Variants in SAMD4A observed in about 807,000 individuals in gnomAD.
The protein encoded by SAMD4A is sterile alpha motif domain containing 4A.
SAMD4A carries 33 observed loss-of-function variants against 81.3 expected under a neutral mutation model. The ratio of observed to expected loss-of-function variants is 0.41; its 90% CI spans 0.31 to 0.54. SAMD4A has a LOEUF of 0.54. Ranked by LOEUF, SAMD4A falls within the 20% of genes least tolerant of loss-of-function variation. The probability of loss-of-function intolerance (pLI) is 0.37; values close to 1 mark genes in which losing one functional copy is unlikely to be tolerated. For missense variants in SAMD4A, 854 were observed against 951.1 expected (o/e 0.90, Z 1.34); for synonymous variants, 389 against 382.1 (o/e 1.02, Z -0.21).
At chr14:54,634,948 G>A (rs2034997517) in intron 2 of SAMD4A, among the ~76,000 whole-genome samples, 1 of 152,200 alleles carries the variant, frequency 6.6e-6, no homozygotes, top group African/African-American at 2.4e-5. Context: ...AAGAACTAAA[G>A]TTTGGGGATC....
chr14:54,768,261 A>T (rs756884903), intron 8 of SAMD4A, among the ~76,000 whole-genome samples: 12 of 152,246 alleles, frequency 7.9e-5, no homozygotes, highest in Non-Finnish European at 1.5e-4. Flanking sequence ...CGGTCTGTGC[A>T]GTCCAAAACA....
Position 54,789,060 on chromosome 14 carries a change from C to T in SAMD4A, c.*116C>T. On this transcript the variant is annotated 3_prime_UTR_variant, in exon 13 of 13. Coordinates refer to ENST00000554335, the MANE Select transcript of SAMD4A (RefSeq NM_015589.6). ...AGATACTTTGCAGCCTTTTTTCCCC[C>T]TGGTCCCTCTCCCGTTTTGATTTTG... 8.7e-7 allele frequency: 1 copy of T among 1,151,952 alleles called. No individual in the cohort carries two copies. The highest frequency in any genetic ancestry group is 1.8e-5 in the Admixed American group (1 of 56,856). 71.4% of individuals were successfully genotyped at this position (1,151,952 alleles called of 1,614,324 possible). A position where few individuals can be genotyped will look rare whatever the true frequency, so the allele number is the denominator to read the frequency against.
intron 2 of SAMD4A, among the ~76,000 whole-genome samples, chr14:54,605,286 A>G (rs1398851800): frequency 6.6e-6 from 1 of 152,092 alleles, no homozygotes; most frequent in Non-Finnish European, 1.5e-5. Flanking sequence ...AAAACCCAGC[A>G]GAGCATAATT....
chr14:54,715,584 G>C (rs2037098538), intron 3 of SAMD4A, among the ~76,000 whole-genome samples: 1 of 152,184 alleles, frequency 6.6e-6, no homozygotes, highest in Non-Finnish European at 1.5e-5. Context: ...AGGGAAGTCT[G>C]GTGGACAGGG....
chr14:54,683,488 G>A (rs2036178471), intron 2 of SAMD4A, among the ~76,000 whole-genome samples: 1 of 152,152 alleles, frequency 6.6e-6, no homozygotes, highest in Non-Finnish European at 1.5e-5. Context: ...ATACTTCATG[G>A]AGAATCACTC....
intron 2 of SAMD4A, among the ~76,000 whole-genome samples, chr14:54,589,366 G>A (rs1434152780): frequency 6.6e-6 from 1 of 152,180 alleles, no homozygotes; most frequent in Non-Finnish European, 1.5e-5. Context: ...ACTCCCATGA[G>A]TCTAAATTTT....
At chr14:54,612,788 A>T (rs977548327) in intron 2 of SAMD4A, among the ~76,000 whole-genome samples, 3 of 152,134 alleles carry the variant, frequency 2.0e-5, no homozygotes, top group African/African-American at 7.2e-5. Flanking sequence ...AGACTACCCG[A>T]GGCAGTCAGT....
chr14:54,685,413 G>A (rs1460790249), intron 2 of SAMD4A, among the ~76,000 whole-genome samples: 4 of 152,144 alleles, frequency 2.6e-5, no homozygotes, highest in Non-Finnish European at 4.4e-5. Context: ...GTCCATCTAT[G>A]TTATAGCATG....
intron 2 of SAMD4A, among the ~76,000 whole-genome samples, chr14:54,592,050 C>G (rs1189726334): frequency 1.3e-5 from 2 of 152,110 alleles, no homozygotes; most frequent in Non-Finnish European, 2.9e-5. Context: ...AAGCTCCCCC[C>G]TCTTCCCCCT....
chr14:54,665,074 G>A (rs1161634181), intron 2 of SAMD4A, among the ~76,000 whole-genome samples: 1 of 152,050 alleles, frequency 6.6e-6, no homozygotes, highest in Non-Finnish European at 1.5e-5. Context: ...ATTCTATAGT[G>A]GAGCACAAAC....
chr14:54,649,697 T>C (rs1378090570), intron 2 of SAMD4A, among the ~76,000 whole-genome samples: 1 of 152,172 alleles, frequency 6.6e-6, no homozygotes, highest in Admixed American at 6.5e-5. Flanking sequence ...CAGTGGGAAG[T>C]GTTGACTGAA....
chr14:54,692,058 C>T (rs2036456413), intron 2 of SAMD4A, among the ~76,000 whole-genome samples: 1 of 152,180 alleles, frequency 6.6e-6, no homozygotes, highest in Non-Finnish European at 1.5e-5. Context: ...CATGGTTACA[C>T]ACCACACCAC....
At chr14:54,785,495 T>C (rs1006145036) in intron 12 of SAMD4A, among the ~76,000 whole-genome samples, 11 of 152,162 alleles carry the variant, frequency 7.2e-5, no homozygotes, top group Admixed American at 7.2e-4. Flanking sequence ...CAGAGAGGCC[T>C]CCTGTGAGCC....
At chr14:54,714,750 T>C (rs1156604234) in intron 3 of SAMD4A, among the ~76,000 whole-genome samples, 3 of 152,164 alleles carry the variant, frequency 2.0e-5, no homozygotes, top group Non-Finnish European at 4.4e-5. Context: ...TTACTGCTGG[T>C]AATAGTAAGG....
intron 3 of SAMD4A, among the ~76,000 whole-genome samples, chr14:54,730,942 A>G (rs2037545152): frequency 6.6e-6 from 1 of 152,244 alleles, no homozygotes; most frequent in Non-Finnish European, 1.5e-5. Flanking sequence ...TCATTTCACC[A>G]CTGAGCCTTG....
chr14:54,741,748 G>A (rs781418503), intron 4 of SAMD4A, among the ~76,000 whole-genome samples: 5 of 152,190 alleles, frequency 3.3e-5, no homozygotes, highest in Non-Finnish European at 7.3e-5. Context: ...GAGGCCTAGA[G>A]CTGAGTCTCA....
intron 2 of SAMD4A, chr14:54,668,943 A>G (rs1260934843): frequency 6.6e-6 from 1 of 152,280 alleles, no homozygotes; most frequent in Non-Finnish European, 1.5e-5. Flanking sequence ...AGAAGGAATG[A>G]CAGACAGGGA....
chr14:54,681,900 G>C, intron 2 of SAMD4A: 5 of 985,440 alleles, frequency 5.1e-6, no homozygotes, highest in Non-Finnish European at 6.0e-6. Flanking sequence ...CTGGAGGATG[G>C]AAAGATTTAT....
intron 4 of SAMD4A, among the ~76,000 whole-genome samples, chr14:54,742,876 T>C (rs1334015578): frequency 6.6e-6 from 1 of 152,176 alleles, no homozygotes; most frequent in Admixed American, 6.5e-5. Flanking sequence ...TGTGAAAATA[T>C]GTTGTTTGCC....
Sources: gnomAD v4.1 joint callset for allele counts (sites outside exome capture counted in the v4.1 genomes callset) on GRCh38, gnomAD v4.1.1 for gene constraint, MANE v1.5 for transcripts, NCBI Gene and HGNC (gene_info 2026-07-23, HGNC 2026-07-21) for gene names.